Variants in GRID2 observed in about 807,000 individuals in gnomAD.
GRID2 encodes glutamate receptor ionotropic, delta-2.
In GRID2, 33 loss-of-function variants were observed where a neutral mutation model predicts 114.8. The ratio of observed to expected loss-of-function variants is 0.29; its 90% CI spans 0.22 to 0.38. The LOEUF (loss-of-function observed/expected upper bound fraction) is 0.38. Ranked by LOEUF, GRID2 falls within the 10% of genes least tolerant of loss-of-function variation. The pLI is 1.00. For missense variants in GRID2, 1,184 were observed against 1,257.7 expected (o/e 0.94, Z 0.89); for synonymous variants, 505 against 449.9 (o/e 1.12, Z -1.55).
chr4:93,187,596 T>C (rs1363117462), intron 4 of GRID2, among the ~76,000 whole-genome samples: 1 of 152,154 alleles, frequency 6.6e-6, no homozygotes, highest in Admixed American at 6.5e-5. Context: ...CTTAACTTGT[T>C]CCAGCATTAA....
intron 2 of GRID2, among the ~76,000 whole-genome samples, chr4:92,922,439 A>G (rs376943253): frequency 6.6e-6 from 1 of 152,118 alleles, no homozygotes. Flanking sequence ...TGTGTCGCTC[A>G]TGCTGGGAGC....
Position 93,792,120 on chromosome 4 carries a change from T to TA in GRID2, c.222-14594dup, listed in dbSNP as rs562484512. On this transcript the variant is annotated intron_variant, in intron 1 of 1. Coordinates refer to the GRID2 transcript ENST00000637838. Reference sequence around the variant, plus strand: ...AAAAGAAATGGAAATATTTTGTCCATATTATTTTCATATATTCATAATTTC... The same window carrying TA: ...AAAAGAAATGGAAATATTTTGTCCATAATTATTTTCATATATTCATAATTTC... 9.1e-4 allele frequency among the ~76,000 whole-genome samples: 139 copies of TA among 152,324 alleles called. 2 individuals carry two copies. The highest frequency in any genetic ancestry group is 2.5e-4 in the Non-Finnish European group (17 of 68,030).
intron 2 of GRID2, among the ~76,000 whole-genome samples, chr4:93,027,343 A>G (rs536853214): frequency 2.3e-4 from 35 of 152,222 alleles, no homozygotes; most frequent in Admixed American, 7.9e-4. Context: ...ACATTCTCAA[A>G]GGAAGCATTG....
At chr4:93,102,482 T>C (rs1042079236) in intron 3 of GRID2, among the ~76,000 whole-genome samples, 1 of 152,108 alleles carries the variant, frequency 6.6e-6, no homozygotes, top group African/African-American at 2.4e-5. Flanking sequence ...GAGGGTTATT[T>C]ATGGGCTCCA....
intron 2 of GRID2, among the ~76,000 whole-genome samples, chr4:92,729,431 T>G (rs116272279): frequency 7.2e-5 from 11 of 151,986 alleles, no homozygotes; most frequent in Admixed American, 7.2e-4. Flanking sequence ...CTTTTAGTTT[T>G]TATTTTTGAT....
Position 93,395,713 on chromosome 4 carries a change from G to A in GRID2, c.1347+5G>A, listed in dbSNP as rs746337575. ...CTACGTGTAGTAACTGTTCTGGTAAGTATTATCTGAGCCTCGTGGTTTTGA... is the reference window on the plus strand; with the variant it reads ...CTACGTGTAGTAACTGTTCTGGTAAATATTATCTGAGCCTCGTGGTTTTGA... On this transcript the variant is annotated splice_donor_5th_base_variant and intron_variant, in intron 9 of 15. Transcript: ENST00000282020. 1.1e-5 allele frequency: 14 copies of A among 1,300,392 alleles called. No individual in the cohort carries two copies. Among genetic ancestry groups the A allele is most frequent in the Non-Finnish European group, 1.4e-5 (13 of 898,028 alleles). 80.6% of individuals were successfully genotyped at this position (1,300,392 alleles called of 1,614,324 possible).
intron 1 of GRID2, among the ~76,000 whole-genome samples, chr4:92,555,454 C>T (rs1726806049): frequency 6.6e-6 from 1 of 152,008 alleles, no homozygotes; most frequent in African/African-American, 2.4e-5. Context: ...GAAAATCCAT[C>T]TCAGTAGTGT....
At chr4:93,555,127 C>CCTACA (rs1374020584) in intron 13 of GRID2, among the ~76,000 whole-genome samples, 1 of 152,160 alleles carries the variant, frequency 6.6e-6, no homozygotes, top group Non-Finnish European at 1.5e-5. Flanking sequence ...CCAGGAGATT[C>CCTACA]CCTCGGGTGC....
At chr4:92,433,627 A>G (rs1732582973) in intron 1 of GRID2, among the ~76,000 whole-genome samples, 1 of 152,158 alleles carries the variant, frequency 6.6e-6, no homozygotes, top group African/African-American at 2.4e-5. Flanking sequence ...TTAGCAATTC[A>G]AGACTGTCTT....
At chr4:93,397,531 T>G (rs1765451659) in intron 9 of GRID2, among the ~76,000 whole-genome samples, 1 of 152,008 alleles carries the variant, frequency 6.6e-6, no homozygotes, top group Non-Finnish European at 1.5e-5. Flanking sequence ...AGCAAATAGT[T>G]ATTTCGCAAT....
intron 10 of GRID2, among the ~76,000 whole-genome samples, chr4:93,430,711 A>G (rs538036486): frequency 2.4e-4 from 36 of 152,390 alleles, no homozygotes; most frequent in African/African-American, 7.9e-4. Context: ...CAGAGGTTAA[A>G]CTAGACACTT....
At chr4:93,065,357 A>G (rs1427651435) in intron 2 of GRID2, among the ~76,000 whole-genome samples, 1 of 151,932 alleles carries the variant, frequency 6.6e-6, no homozygotes, top group Non-Finnish European at 1.5e-5. Context: ...GACATACACA[A>G]TTTGCACAAG....
chr4:92,689,858 A>G (rs761761197), intron 2 of GRID2, among the ~76,000 whole-genome samples: 2 of 152,068 alleles, frequency 1.3e-5, no homozygotes, highest in Non-Finnish European at 1.5e-5. Flanking sequence ...TTAGCTTCCA[A>G]CTTTTCTTCT....
intron 2 of GRID2, among the ~76,000 whole-genome samples, chr4:92,644,621 C>G (rs1226203315): frequency 6.6e-6 from 1 of 151,630 alleles, no homozygotes; most frequent in African/African-American, 2.4e-5. Flanking sequence ...TTACCACATG[C>G]CTTCAACATC....
At chr4:92,553,940 G>A (rs550873618) in intron 1 of GRID2, among the ~76,000 whole-genome samples, 7 of 152,168 alleles carry the variant, frequency 4.6e-5, no homozygotes, top group South Asian at 4.2e-4. Context: ...GTGAGCCACC[G>A]TGCCCAGCCT....
At chr4:92,644,913 C>A (rs915393228) in intron 2 of GRID2, among the ~76,000 whole-genome samples, 1 of 151,200 alleles carries the variant, frequency 6.6e-6, no homozygotes, top group Admixed American at 6.6e-5. Context: ...TTCCCTTTAT[C>A]TCTTTTTTTT....
chr4:92,775,489 C>CT (rs1738749377), intron 2 of GRID2, among the ~76,000 whole-genome samples: 1 of 152,166 alleles, frequency 6.6e-6, no homozygotes, highest in South Asian at 2.1e-4. Flanking sequence ...CTAGAGCAGA[C>CT]TTGCTGATAT....
intron 12 of GRID2, among the ~76,000 whole-genome samples, chr4:93,499,462 G>A (rs1233549473): frequency 6.6e-6 from 1 of 151,688 alleles, no homozygotes; most frequent in African/African-American, 2.4e-5. Flanking sequence ...TTCTGTCCAG[G>A]GGCACCAACA....
chr4:93,052,223 A>G (rs902045686), intron 2 of GRID2, among the ~76,000 whole-genome samples: 1 of 151,998 alleles, frequency 6.6e-6, no homozygotes, highest in African/African-American at 2.4e-5. Context: ...AACTTATATC[A>G]GATTGGCCAA....
Sources: allele counts gnomAD v4.1 joint callset (sites outside exome capture counted in the v4.1 genomes callset), GRCh38; gene constraint gnomAD v4.1.1; transcripts MANE v1.5; gene names NCBI Gene and HGNC (gene_info 2026-07-23, HGNC 2026-07-21).